SRGAP1: variants seen among roughly 807,000 people sequenced by gnomAD.
SRGAP1 encodes SLIT-ROBO Rho GTPase activating protein 1, also known as SLIT-ROBO Rho GTPase-activating protein 1.
Under a neutral mutation model 121.9 loss-of-function variants are expected in SRGAP1, and 43 were observed. That is an observed-to-expected ratio of 0.35 (90% CI 0.28 to 0.46). SRGAP1 has a LOEUF of 0.46. Among genes scored for constraint, SRGAP1 ranks in the 20% least tolerant of loss-of-function variants. The probability of loss-of-function intolerance (pLI) is 1.00; values close to 1 mark genes in which losing one functional copy is unlikely to be tolerated. For missense variants in SRGAP1, 1,102 were observed against 1,350.9 expected, an observed-to-expected ratio of 0.82 and a Z score of 2.89; for synonymous variants, 447 against 485.4, an observed-to-expected ratio of 0.92 and a Z score of 1.04.
chr12:63,851,045 A>G (rs145285583), intron 1 of SRGAP1, among the ~76,000 whole-genome samples: 3,574 of 151,936 alleles, frequency 0.024, 56 homozygotes, highest in South Asian at 0.041. Context: ...AATCCCAGCT[A>G]CTCTGGAGGC....
At chr12:64,050,030 A>C (rs1406098958) in intron 6 of SRGAP1, among the ~76,000 whole-genome samples, 1 of 152,144 alleles carries the variant, frequency 6.6e-6, no homozygotes, top group African/African-American at 2.4e-5. Flanking sequence ...TGAACATGGA[A>C]TATCTTTCCA....
At chr12:63,872,062 T>C (rs1249588810) in intron 1 of SRGAP1, 2 of 734,612 alleles carry the variant, frequency 2.7e-6, no homozygotes, top group Non-Finnish European at 4.9e-6. Context: ...GCAGGGCTGT[T>C]CTGTTTATAT....
intron 1 of SRGAP1, among the ~76,000 whole-genome samples, chr12:63,868,082 TTTTTTTTTTTG>T (rs1899720097): frequency 3.6e-4 from 30 of 83,310 alleles, no homozygotes; most frequent in East Asian, 1.6e-3. Flanking sequence ...TTTTTTTGTT[TTTTTTTTTTTG>T]TTTTTTGAGA....
At chr12:63,951,037 G>A (rs1023175223) in intron 1 of SRGAP1, among the ~76,000 whole-genome samples, 1 of 150,980 alleles carries the variant, frequency 6.6e-6, no homozygotes, top group African/African-American at 2.4e-5. Context: ...CCTAGAGAAC[G>A]GGAAGGGATT....
chr12:63,950,790 C>T (rs1345105395), intron 1 of SRGAP1, among the ~76,000 whole-genome samples: 2 of 152,132 alleles, frequency 1.3e-5, no homozygotes, highest in African/African-American at 4.8e-5. Context: ...GAAGCCTTGC[C>T]TGGCATTGAT....
chr12:63,948,883 C>CAT (rs60933928), intron 1 of SRGAP1, among the ~76,000 whole-genome samples: 1,373 of 58,654 alleles, frequency 0.023, 123 homozygotes, highest in Middle Eastern at 0.12. Flanking sequence ...ATATATTTTC[C>CAT]ATATATATAT....
rs58636089 is a variant in SRGAP1 at position 64,144,836 on chromosome 12, CTTTTTTTTTTTTTTT to C, written c.*2176_*2190del. The C allele has an allele frequency of 1.3e-4, 10 of 79,450 alleles. No homozygotes were observed. Among genetic ancestry groups the C allele is most frequent in the African/African-American group, 5.9e-4 (10 of 17,078 alleles). 4.9% of individuals were successfully genotyped at this position (79,450 alleles called of 1,614,324 possible). A position where few individuals can be genotyped will look rare whatever the true frequency, so the allele number is the denominator to read the frequency against. Reference sequence around the variant, plus strand: ...TTAAACTTTCCAAAATAATCCCCCACTTTTTTTTTTTTTTTTTTTTTTTTTTGAGTTGGAGTCTTG... The same window carrying C: ...TTAAACTTTCCAAAATAATCCCCCACTTTTTTTTTTTGAGTTGGAGTCTTG... On this transcript the variant is annotated 3_prime_UTR_variant, in exon 22 of 22. Transcript: ENST00000355086.
intron 8 of SRGAP1, among the ~76,000 whole-genome samples, chr12:64,070,085 T>A (rs2035613161): frequency 6.6e-6 from 1 of 152,186 alleles, no homozygotes. Context: ...AGGCAACTTT[T>A]CAAAAGCAAA....
chr12:64,073,671 G>A (rs965561310), intron 8 of SRGAP1, among the ~76,000 whole-genome samples: 1 of 150,270 alleles, frequency 6.7e-6, no homozygotes, highest in Non-Finnish European at 1.5e-5. Flanking sequence ...ACTGGGTTTT[G>A]TTATTTTTTA....
chr12:64,051,776 CTG>C (rs1024076886), intron 6 of SRGAP1, among the ~76,000 whole-genome samples: 5 of 152,112 alleles, frequency 3.3e-5, no homozygotes, highest in African/African-American at 1.2e-4. Context: ...CTTTCTCTCT[CTG>C]TCTCTCTCTC....
chr12:64,009,567 C>T (rs556487311), intron 3 of SRGAP1, among the ~76,000 whole-genome samples: 20 of 152,076 alleles, frequency 1.3e-4, no homozygotes, highest in Non-Finnish European at 2.2e-4. Context: ...CAGCAACAGC[C>T]GACCTTTTTC....
intron 11 of SRGAP1, among the ~76,000 whole-genome samples, chr12:64,089,174 ACACT>A (rs905179567): frequency 7.2e-5 from 11 of 152,134 alleles, no homozygotes; most frequent in Admixed American, 2.0e-4. Flanking sequence ...CATGGTTCTG[ACACT>A]CACGGCCACT....
At chr12:64,043,044 C>T in intron 5 of SRGAP1, 72 bp downstream of exon 5, 1 of 986,774 alleles carries the variant, frequency 1.0e-6, no homozygotes, top group South Asian at 1.5e-5. Context: ...GATGCAATAG[C>T]TGATATCCAC....
At chr12:63,949,207 A>T (rs1056860438) in intron 1 of SRGAP1, among the ~76,000 whole-genome samples, 2 of 125,636 alleles carry the variant, frequency 1.6e-5, no homozygotes, top group Non-Finnish European at 3.3e-5. Flanking sequence ...ATATATATAT[A>T]TATTTTTTCC....
At chr12:64,108,839 A>C in intron 15 of SRGAP1, 93 bp from the exon 16 acceptor site, 1 of 776,434 alleles carries the variant, frequency 1.3e-6, no homozygotes, top group South Asian at 3.1e-5. Flanking sequence ...TGTTGCTTAT[A>C]TTCAGATGTG....
intron 1 of SRGAP1, among the ~76,000 whole-genome samples, chr12:63,884,510 T>C (rs1221241066): frequency 1.3e-5 from 2 of 152,158 alleles, no homozygotes; most frequent in Non-Finnish European, 1.5e-5. Context: ...CCCAGCACCT[T>C]ATGTATTTAT....
chr12:63,844,888 G>A lies in SRGAP1; in HGVS notation c.67+5G>A. On this transcript the variant is annotated splice_donor_5th_base_variant and intron_variant, in intron 1 of 21. Coordinates refer to ENST00000355086, the MANE Select transcript of SRGAP1 (RefSeq NM_020762.4). The surrounding 1 kb of genome is among the most constrained non-coding windows in gnomAD (Gnocchi z 4.3). ...AGTATGAAAGTCAAGTCAAAGGTAAGGATGGGAGCGGCTGCCTTGCTCCTT... is the reference window on the plus strand; with the variant it reads ...AGTATGAAAGTCAAGTCAAAGGTAAAGATGGGAGCGGCTGCCTTGCTCCTT... The A allele has an allele frequency of 6.2e-7, 1 of 1,613,984 alleles. No homozygotes were observed.
At chr12:63,983,841 TATATATATATA>T (rs2033338910) in intron 1 of SRGAP1, 95 bp from the exon 2 acceptor site, 8 of 106,674 alleles carry the variant, frequency 7.5e-5, no homozygotes, top group Non-Finnish European at 1.1e-4. Flanking sequence ...TATATATATA[TATATATATATA>T]TATTTATATA....
intron 1 of SRGAP1, among the ~76,000 whole-genome samples, chr12:63,873,547 A>AG (rs1332209127): frequency 2.0e-5 from 3 of 151,090 alleles, no homozygotes; most frequent in Non-Finnish European, 4.4e-5. Context: ...AAAAAAAAAA[A>AG]GAAAAGAAAA....
Sources: allele counts gnomAD v4.1 joint callset (sites outside exome capture counted in the v4.1 genomes callset), GRCh38; gene constraint gnomAD v4.1.1; non-coding constraint Gnocchi (gnomAD v3.1); transcripts MANE v1.5; gene names NCBI Gene and HGNC (gene_info 2026-07-23, HGNC 2026-07-21).